Variants in FREM2 observed in about 807,000 individuals in gnomAD.
The protein encoded by FREM2 is FRAS1-related extracellular matrix protein 2.
In FREM2, 119 loss-of-function variants were observed where a neutral mutation model predicts 219.9. The observed-to-expected ratio is 0.54, with a 90% CI of 0.47 to 0.63. The LOEUF (loss-of-function observed/expected upper bound fraction) is 0.63, where lower values mean the gene tolerates loss of function less well. Ranked by LOEUF, FREM2 falls within the 30% of genes least tolerant of loss-of-function variation. FREM2 has a pLI of 0.00. For missense variants in FREM2, 4,030 were observed against 3,993.6 expected (o/e 1.01, Z -0.25); for synonymous variants, 1,562 against 1,522.8 (o/e 1.03, Z -0.60).
Position 38,689,264 on chromosome 13 carries a change from GA to G in FREM2, c.1921del (p.Thr641GlnfsTer8). The G allele has an allele frequency of 6.2e-7, 1 of 1,614,106 alleles. No individual in the cohort carries two copies. The highest frequency in any genetic ancestry group is 8.5e-7 in the Non-Finnish European group (1 of 1,180,008). ...KEGAFYERTV[T>X]EWQQQDITEG... ...AGGGGGCATTTTATGAGCGAACAGT[GA>G]CAGAGTGGCAGCAGCAGGACATAAC... On this transcript the variant is annotated frameshift_variant, in exon 1 of 24. Transcript: ENST00000280481. LOFTEE classifies it high-confidence loss of function.
chr13:38,766,155 A>G lies in FREM2; in HGVS notation c.5410+1705A>G, dbSNP rs115825763. On this transcript the variant is annotated intron_variant, in intron 3 of 23. Coordinates refer to ENST00000280481, the MANE Select transcript of FREM2 (RefSeq NM_207361.6). ...TTTCACTCACAACAGGCCCCTGGAT[A>G]ACATTGGGAAAGTTAACAGTAGAAA... Among the ~76,000 whole-genome samples the G allele has an allele frequency of 3.5e-3, 526 of 152,338 alleles. 5 individuals are homozygous for G. Among genetic ancestry groups the G allele is most frequent in the African/African-American group, 0.012 (505 of 41,578 alleles).
chr13:38,840,298 A>T (rs1258479957), intron 6 of FREM2, among the ~76,000 whole-genome samples: 3 of 151,984 alleles, frequency 2.0e-5, no homozygotes, highest in African/African-American at 7.2e-5. Context: ...CTGTCTGACC[A>T]GTCCTAATAA....
chr13:38,861,297 A>T, intron 14 of FREM2, 134 bp from the exon 15 acceptor site: 2 of 836,716 alleles, frequency 2.4e-6, no homozygotes, highest in Non-Finnish European at 3.9e-6. Flanking sequence ...CGTGATGTAC[A>T]CTCTTAGCCA....
In FREM2 at chr13:38,764,467, A is replaced by C; in HGVS notation, c.5410+17A>C. ...CTTTTATAAGTAAGTTTAATTTTTT[A>C]TTTCTGTTTTAAAATTTTATTTTTC... On this transcript the variant is annotated intron_variant, in intron 3 of 23. Coordinates refer to ENST00000280481, the MANE Select transcript of FREM2 (RefSeq NM_207361.6). 7.1e-7 allele frequency: 1 copy of C among 1,404,218 alleles called. No individual in the cohort carries two copies. Among genetic ancestry groups the C allele is most frequent in the Non-Finnish European group, 9.9e-7 (1 of 1,008,072 alleles). The allele number at this position is 1,404,218 out of a possible 1,614,324, so 87.0% of individuals were successfully genotyped here.
intron 8 of FREM2, 70 bp from the exon 9 acceptor site, chr13:38,849,967 TA>T: frequency 1.6e-6 from 2 of 1,241,502 alleles, no homozygotes; most frequent in Non-Finnish European, 2.4e-6. Flanking sequence ...TTCTTTCCAC[TA>T]AATCACATCT....
In FREM2 at chr13:38,687,210, AGC is replaced by A; in HGVS notation, c.-134_-133del. ...CGCAACTTTGCCATCCTTCTGGCCC[AGC>A]CCCGGCTACAGGAGGACCCCGCGGG... On this transcript the variant is annotated 5_prime_UTR_variant, in exon 1 of 24. Transcript: ENST00000280481. 7.8e-7 allele frequency: 1 copy of A among 1,284,706 alleles called. No individual in the cohort carries two copies. Among genetic ancestry groups the A allele is most frequent in the Non-Finnish European group, 1.1e-6 (1 of 917,042 alleles). 79.6% of individuals were successfully genotyped at this position (1,284,706 alleles called of 1,614,324 possible). A position where few individuals can be genotyped will look rare whatever the true frequency, so the allele number is the denominator to read the frequency against.
intron 1 of FREM2, among the ~76,000 whole-genome samples, chr13:38,697,007 C>T (rs1047160791): frequency 6.6e-5 from 10 of 151,918 alleles, no homozygotes; most frequent in Non-Finnish European, 1.3e-4. Context: ...ACCATGTTGG[C>T]CAGGCTGGTC....
chr13:38,768,861 A>G (rs1873543788), intron 3 of FREM2, among the ~76,000 whole-genome samples: 1 of 152,156 alleles, frequency 6.6e-6, no homozygotes, highest in South Asian at 2.1e-4. Flanking sequence ...AGATCCTTCA[A>G]CCTTCCCAGC....
chr13:38,847,622 A>G (rs562235314), intron 7 of FREM2, among the ~76,000 whole-genome samples: 2 of 152,264 alleles, frequency 1.3e-5, no homozygotes, highest in African/African-American at 4.8e-5. Flanking sequence ...AAAAAGAACC[A>G]CAGGGAGATA....
intron 15 of FREM2, among the ~76,000 whole-genome samples, 165 bp downstream of exon 15, chr13:38,861,727 T>A (rs1877770524): frequency 6.6e-6 from 1 of 152,250 alleles, no homozygotes. Flanking sequence ...TGTTCTACCC[T>A]GTTTTTATAA....
chr13:38,864,185 C>G (rs1877864442), intron 15 of FREM2, 90 bp from the exon 16 acceptor site: 1 of 1,004,728 alleles, frequency 1.0e-6, no homozygotes, highest in African/African-American at 1.6e-5. Flanking sequence ...TTTTATGACA[C>G]TTGTTTTCTT....
At position 38,859,501 on chromosome 13, in the gene FREM2, G is replaced by A. The variant is rs148032830; in HGVS notation, c.7430G>A (p.Arg2477Gln). Residue 2477 changes from arginine (R) to glutamine (Q), a missense_variant, in exon 14 of 24, where the codon CGG becomes CAG. Arg to Gln is a conservative substitution (Grantham distance 43). This residue lies in a region of FREM2 where 928 missense variants were observed against 1,042.9 expected (regional missense o/e 0.89). Coordinates refer to ENST00000280481, the MANE Select transcript of FREM2 (RefSeq NM_207361.6). Reference sequence around the variant, plus strand: ...TCCATATACTTTCAGCCTGGCTCCCGGGTACAGTGCGCAGCTCGTGCTGTG... The same window carrying A: ...TCCATATACTTTCAGCCTGGCTCCCAGGTACAGTGCGCAGCTCGTGCTGTG... ...LDSIYFQPGS[R>Q]VQCAARAVNT... is the part of the protein sequence containing the mutation. 7.4e-6 allele frequency: 12 copies of A among 1,613,834 alleles called. No homozygotes were observed. Among genetic ancestry groups the A allele is most frequent in the South Asian group, 4.4e-5 (4 of 91,076 alleles).
chr13:38,781,084 A>C (rs1408524341), intron 4 of FREM2, among the ~76,000 whole-genome samples: 1 of 152,128 alleles, frequency 6.6e-6, no homozygotes, highest in Non-Finnish European at 1.5e-5. Flanking sequence ...ATAGTCCTGA[A>C]GGGCTCATGT....
chr13:38,748,204 G>A (rs2122210), intron 2 of FREM2, among the ~76,000 whole-genome samples: 126,606 of 152,164 alleles, frequency 0.83, 53,046 homozygotes, highest in East Asian at 0.9. Context: ...TGGTCTGTCT[G>A]TGGAACGAAT....
intron 6 of FREM2, among the ~76,000 whole-genome samples, chr13:38,802,678 T>C (rs551544237): frequency 1.1e-4 from 16 of 152,176 alleles, no homozygotes; most frequent in Non-Finnish European, 2.1e-4. Flanking sequence ...ACACAGTCCT[T>C]TGGGGGTTTG....
At chr13:38,806,769 G>A (rs1044373947) in intron 6 of FREM2, among the ~76,000 whole-genome samples, 65 of 151,770 alleles carry the variant, frequency 4.3e-4, no homozygotes, top group African/African-American at 1.5e-3. Flanking sequence ...TGCACCTTGT[G>A]ATACTATTTG....
chr13:38,781,055 A>G (rs772663477), intron 4 of FREM2, among the ~76,000 whole-genome samples: 3 of 152,222 alleles, frequency 2.0e-5, no homozygotes, highest in Non-Finnish European at 4.4e-5. Flanking sequence ...TACTCTGAGT[A>G]AAAACCAAAG....
rs959161171 is a variant in FREM2 at position 38,689,220 on chromosome 13, A to G, written c.1876A>G (p.Arg626Gly). The G allele has an allele frequency of 1.2e-6, 2 of 1,614,140 alleles. No homozygotes were observed. Among genetic ancestry groups the G allele is most frequent in the South Asian group, 2.2e-5 (2 of 91,088 alleles). The change falls in exon 1 of 24, where the codon AGA becomes GGA. Residue 626 changes from arginine to glycine, a missense_variant. By Grantham distance (125) the Arg-to-Gly change is moderately radical. Around this residue, in one of 2 missense-constraint regions of FREM2, gnomAD observed 3,102 missense variants for 2,950.7 expected, o/e 1.05. Coordinates refer to ENST00000280481, the MANE Select transcript of FREM2 (RefSeq NM_207361.6). ...TCCCCATGAGAAGCAGGAACTTCTC[A>G]GAGGCCTTTGGAGGAAGGAGGGGGC... is the stretch of plus-strand genomic sequence containing the variant. ...HPPHEKQELLRGLWRKEGAFY... is the reference protein window; with the variant it reads ...HPPHEKQELLGGLWRKEGAFY...
chr13:38,876,168 T>C lies in FREM2; in HGVS notation c.8409+19T>C. 6.2e-7 allele frequency: 1 copy of C among 1,614,110 alleles called. No individual in the cohort carries two copies. ...CTTTGCCGTAAGTGACTAAGACTCT[T>C]AATTAATTTTCTTCTGCTGCTGCCA... On this transcript the variant is annotated intron_variant, in intron 19 of 23. Transcript: ENST00000280481.
Sources: allele counts gnomAD v4.1 joint callset (sites outside exome capture counted in the v4.1 genomes callset), GRCh38; gene constraint gnomAD v4.1.1; regional missense constraint gnomAD v4.1.1; transcripts MANE v1.5; gene names NCBI Gene and HGNC (gene_info 2026-07-23, HGNC 2026-07-21).